PATL2: variants seen among roughly 807,000 people sequenced by gnomAD.
PATL2 encodes protein PAT1 homolog 2.
Under a neutral mutation model 77.0 loss-of-function variants are expected in PATL2, and 73 were observed. That is an observed-to-expected ratio of 0.95 (90% CI 0.78 to 1.15). The LOEUF (loss-of-function observed/expected upper bound fraction) is 1.15, where lower values mean the gene tolerates loss of function less well. Among genes scored for constraint, PATL2 ranks in the 50% most tolerant of loss-of-function variants. PATL2 has a pLI of 0.00. For missense variants in PATL2, 618 were observed against 655.4 expected (o/e 0.94, Z 0.62); for synonymous variants, 265 against 257.1 (o/e 1.03, Z -0.29).
chr15:44,668,580 C>G, intron 14 of PATL2, 98 bp from the exon 15 acceptor site: 1 of 1,441,900 alleles, frequency 6.9e-7, no homozygotes, highest in Non-Finnish European at 9.3e-7. Flanking sequence ...CTGTCTTTGG[C>G]ACGTCCTGGT....
chr15:44,675,477 C>T lies in PATL2; in HGVS notation c.222+9G>A, dbSNP rs928801220. The stretch of plus-strand genomic sequence containing the variant: ...GACAACCCTCTCCCATTCCCTTCTG[C>T]CATGGTACCTGGGTGTTGTGGACAG... On this transcript the variant is annotated intron_variant, in intron 5 of 17. Transcript: ENST00000682850. 29 of 1,549,482 alleles carry T rather than the reference C, an allele frequency of 1.9e-5. No individual in the cohort carries two copies. The highest frequency in any genetic ancestry group is 2.4e-5 in the Non-Finnish European group (27 of 1,145,778).
rs752140117 is a variant in PATL2, at chr15:44,675,567, G to A, written c.141C>T (p.Asp47=). ...EEEEEDEEDL[D]PDLDPDLEEE... Reference sequence around the variant, plus strand: ...CCTCTAGGTCTGGGTCCAGATCTGGGTCCAGATCCTCCTCGTCCTCCTCCT... The same window carrying A: ...CCTCTAGGTCTGGGTCCAGATCTGGATCCAGATCCTCCTCGTCCTCCTCCT... Residue 47 remains aspartate (D), a synonymous_variant, in exon 5 of 18, where the codon GAC becomes GAT. Coordinates refer to ENST00000682850, the MANE Select transcript of PATL2 (RefSeq NM_001387263.1). 1 of 1,551,448 alleles carries A rather than the reference G, an allele frequency of 6.4e-7. No homozygotes were observed. The highest frequency in any genetic ancestry group is 1.2e-5 in the South Asian group (1 of 84,050).
intron 3 of PATL2, among the ~76,000 whole-genome samples, chr15:44,691,377 G>T (rs2086387119): frequency 6.6e-6 from 1 of 152,136 alleles, no homozygotes; most frequent in South Asian, 2.1e-4. Context: ...ACAGATTGTG[G>T]CCAGGCATGG....
At chr15:44,676,129 G>T in intron 4 of PATL2, 1 of 391,352 alleles carries the variant, frequency 2.6e-6, no homozygotes, top group Non-Finnish European at 4.7e-6. Context: ...TTTTCCATCT[G>T]CTCTGCCCCA....
rs1397500378 is a variant in PATL2 at position 44,669,096 on chromosome 15, C to T, written c.1108G>A (p.Gly370Arg). 5.8e-6 allele frequency: 9 copies of T among 1,549,294 alleles called. No individual in the cohort carries two copies. Among genetic ancestry groups the T allele is most frequent in the East Asian group, 2.4e-5 (1 of 40,870 alleles). The change falls in exon 14 of 18, where the codon GGG becomes AGG. Residue 370 changes from glycine (G) to arginine (R), a missense_variant. Coordinates refer to ENST00000682850, the MANE Select transcript of PATL2 (RefSeq NM_001387263.1). ...GFLQVLSVRK[G>R]KALVARLLPF... The stretch of plus-strand genomic sequence containing the variant: ...AGCAGCCGGGCCACCAGGGCCTTCC[C>T]CTTCCTCACAGAGAGCACCTGCAGG...
Position 44,667,136 on chromosome 15 carries a change from A to C in PATL2, c.1433T>G (p.Leu478Arg). Residue 478 changes from leucine to arginine, a missense_variant, in exon 16 of 18, where the codon CTA (leucine) becomes CGA (arginine). Coordinates refer to ENST00000682850, the MANE Select transcript of PATL2 (RefSeq NM_001387263.1). ...GEQLVSLHSS[L>R]EEPNSDHTAW... The stretch of plus-strand genomic sequence containing the variant: ...TGTATGGTCACTGTTGGGTTCCTCT[A>C]GGGAAGAATGCAGCGATACCAGTTG... The C allele has an allele frequency of 3.9e-6, 6 of 1,551,622 alleles. No individual in the cohort carries two copies. The highest frequency in any genetic ancestry group is 4.4e-6 in the Non-Finnish European group (5 of 1,146,960).
At chr15:44,666,672 A>G (rs2085388084) in intron 16 of PATL2, 131 bp from the exon 17 acceptor site, 1 of 938,196 alleles carries the variant, frequency 1.1e-6, no homozygotes, top group Admixed American at 3.1e-5. Flanking sequence ...CAGAGGTAAC[A>G]TTTGCATGTT....
chr15:44,684,053 T>TAAA (rs200273646), intron 3 of PATL2, among the ~76,000 whole-genome samples: 10 of 124,968 alleles, frequency 8.0e-5, no homozygotes, highest in African/African-American at 3.0e-4. Context: ...AGCATCAACA[T>TAAA]AAAAAAAAAA....
intron 3 of PATL2, among the ~76,000 whole-genome samples, chr15:44,688,374 A>G (rs1176733527): frequency 6.6e-6 from 1 of 152,186 alleles, no homozygotes; most frequent in Non-Finnish European, 1.5e-5. Flanking sequence ...ACCAAAAAAG[A>G]GCCCGCATAG....
chr15:44,670,908 C>T (rs1199594164), intron 9 of PATL2, among the ~76,000 whole-genome samples: 1 of 152,226 alleles, frequency 6.6e-6, no homozygotes, highest in African/African-American at 2.4e-5. Context: ...GCCCTCTAGG[C>T]CAGTTTTATA....
intron 3 of PATL2, among the ~76,000 whole-genome samples, chr15:44,698,086 T>TTTTTAA (rs57010544): frequency 0.9 from 133,672 of 148,790 alleles, 60,095 homozygotes; most frequent in East Asian, 1. Context: ...TCTTTAAATT[T>TTTTTAA]TTTTAATTTT....
rs1224682693 is a variant in PATL2, at chr15:44,698,054, AT to A, written c.-76+12041del. 2.1e-5 allele frequency among the ~76,000 whole-genome samples: 3 copies of A among 145,082 alleles called. No individual in the cohort carries two copies. In the East Asian group the frequency reaches 6.1e-4, roughly 30 times the overall value. On this transcript the variant is annotated intron_variant, in intron 3 of 17. Transcript: ENST00000682850. ...ATGCCTGGCTTGGTCATTTTGTTTAATTTTTTTATTTTTATTTTCTGTCTTT... is the reference window on the plus strand; with the variant it reads ...ATGCCTGGCTTGGTCATTTTGTTTAATTTTTTATTTTTATTTTCTGTCTTT...
Position 44,674,192 on chromosome 15 carries a change from A to C in PATL2, c.261T>G (p.Gly87=). ...AGGAGGCAAGTGACATTCCCAGCAT[A>C]CCAGGGGCCTTGACTCCAGGGGAGC... ...LLSSPGVKAP[G]MLGMSLASLH... Residue 87 remains glycine, a synonymous_variant, in exon 6 of 18, where the codon GGT becomes GGG. Coordinates refer to ENST00000682850, the MANE Select transcript of PATL2 (RefSeq NM_001387263.1). The C allele has an allele frequency of 6.4e-7, 1 of 1,550,834 alleles. No homozygotes were observed. Among genetic ancestry groups the C allele is most frequent in the Non-Finnish European group, 8.7e-7 (1 of 1,146,290 alleles).
intron 11 of PATL2, 58 bp downstream of exon 11, chr15:44,669,719 G>A: frequency 6.5e-7 from 1 of 1,536,746 alleles, no homozygotes; most frequent in South Asian, 1.2e-5. Flanking sequence ...ACACAAGAAT[G>A]TTCTAGACCC....
chr15:44,699,691 G>C (rs1435565392), intron 3 of PATL2, among the ~76,000 whole-genome samples: 1 of 152,148 alleles, frequency 6.6e-6, no homozygotes, highest in Admixed American at 6.5e-5. Context: ...GTGAGAGATA[G>C]TGGTCTAGTT....
chr15:44,707,855 C>A (rs915284879), intron 3 of PATL2, among the ~76,000 whole-genome samples: 1 of 152,198 alleles, frequency 6.6e-6, no homozygotes, highest in African/African-American at 2.4e-5. Flanking sequence ...TTATGTAGAA[C>A]CTCAGAGCAC....
At chr15:44,702,501 T>C (rs2086650364) in intron 3 of PATL2, among the ~76,000 whole-genome samples, 1 of 152,038 alleles carries the variant, frequency 6.6e-6, no homozygotes, top group Non-Finnish European at 1.5e-5. Context: ...TGCTCTCATC[T>C]TTATTATTTC....
Position 44,666,430 on chromosome 15 carries a change from C to T in PATL2, c.1575G>A (p.Val525=), listed in dbSNP as rs149018968. The T allele has an allele frequency of 3.1e-4, 476 of 1,551,706 alleles. No homozygotes were observed. In the African/African-American group the frequency reaches 5.7e-3, roughly 18 times the overall value. The part of the protein sequence containing the change: ...SNLLPLFCHH[V]DKQLVQQLEA... ...CCAGCTGCTGAACCAATTGTTTGTCCACGTGGTGACAGAACAGGGGAAGTA... is the reference window on the plus strand; with the variant it reads ...CCAGCTGCTGAACCAATTGTTTGTCTACGTGGTGACAGAACAGGGGAAGTA... The change falls in exon 17 of 18, where the codon GTG becomes GTA. Residue 525 remains valine, a synonymous_variant. Transcript: ENST00000682850.
chr15:44,702,244 A>G (rs976400780), intron 3 of PATL2, among the ~76,000 whole-genome samples: 3 of 145,874 alleles, frequency 2.1e-5, no homozygotes, highest in African/African-American at 7.6e-5. Context: ...GAATGTATCC[A>G]TTTCTTCTAG....
Sources: allele counts gnomAD v4.1 joint callset (sites outside exome capture counted in the v4.1 genomes callset), GRCh38; gene constraint gnomAD v4.1.1; transcripts MANE v1.5; gene names NCBI Gene and HGNC (gene_info 2026-07-23, HGNC 2026-07-21).